EEF2K: variants seen among roughly 807,000 people sequenced by gnomAD.
EEF2K encodes eukaryotic elongation factor 2 kinase, also known as alternative protein EEF2K.
A neutral mutation model predicts 93.8 loss-of-function variants in EEF2K; 70 were observed. That is an observed-to-expected ratio of 0.75 (90% CI 0.62 to 0.91). The LOEUF (loss-of-function observed/expected upper bound fraction) is 0.91, where lower values mean the gene tolerates loss of function less well. Ranked by LOEUF, EEF2K falls within the 40% of genes least tolerant of loss-of-function variation. The probability of loss-of-function intolerance (pLI) is 0.00; values close to 1 mark genes in which losing one functional copy is unlikely to be tolerated. For missense variants in EEF2K, 935 were observed against 972.9 expected (o/e 0.96, Z 0.52); for synonymous variants, 376 against 380.8 (o/e 0.99, Z 0.15).
chr16:22,270,482 C>G (rs946333030), intron 15 of EEF2K, among the ~76,000 whole-genome samples: 3 of 151,982 alleles, frequency 2.0e-5, no homozygotes, highest in Admixed American at 1.3e-4. Flanking sequence ...AAATTTTTGA[C>G]CTCAAGTGAT....
Position 22,237,223 on chromosome 16 carries a change from G to A in EEF2K, c.247-7407G>A, listed in dbSNP as rs753223927. Among the ~76,000 whole-genome samples, 6 of 151,726 alleles carry A rather than the reference G, an allele frequency of 4.0e-5. No individual in the cohort carries two copies. In the East Asian group the frequency reaches 5.8e-4, roughly 15 times the overall value. On this transcript the variant is annotated intron_variant, in intron 2 of 17. Transcript: ENST00000263026. ...GCCTCCCAAAGTGCTAGGATTACAG[G>A]CATGAGCCACCACACCCGGCCCATA...
At chr16:22,221,596 G>A (rs1161224064) in intron 1 of EEF2K, among the ~76,000 whole-genome samples, 1 of 152,040 alleles carries the variant, frequency 6.6e-6, no homozygotes, top group Non-Finnish European at 1.5e-5. Context: ...TTCCTGCTTC[G>A]GTAGCCAGAG....
intron 1 of EEF2K, among the ~76,000 whole-genome samples, chr16:22,210,274 G>A (rs887225719): frequency 6.6e-6 from 1 of 152,136 alleles, no homozygotes; most frequent in Admixed American, 6.6e-5. Context: ...TGAAGCTTTC[G>A]AGCTCTAGCA....
intron 3 of EEF2K, among the ~76,000 whole-genome samples, chr16:22,247,771 C>T (rs760746657): frequency 2.0e-5 from 3 of 152,132 alleles, no homozygotes; most frequent in Non-Finnish European, 2.9e-5. Flanking sequence ...ACTGGTTGTC[C>T]ATGACCCTTA....
intron 4 of EEF2K, 120 bp from the exon 5 acceptor site, chr16:22,250,534 A>C: frequency 8.3e-7 from 1 of 1,204,806 alleles, no homozygotes; most frequent in Non-Finnish European, 1.2e-6. Context: ...GGATTTCAGG[A>C]TTGAGATGAG....
intron 17 of EEF2K, among the ~76,000 whole-genome samples, chr16:22,283,246 T>C (rs1220649451): frequency 7.4e-6 from 1 of 135,806 alleles, no homozygotes; most frequent in African/African-American, 2.8e-5. Context: ...GAGGCAGTGG[T>C]GACAGTGAGC....
chr16:22,260,623 G>A (rs549923900), intron 11 of EEF2K, 94 bp downstream of exon 11: 4 of 1,522,358 alleles, frequency 2.6e-6, no homozygotes, highest in African/African-American at 1.4e-5. Context: ...TCGGAGGTGG[G>A]CAGCCTAGCC....
intron 4 of EEF2K, among the ~76,000 whole-genome samples, chr16:22,250,376 A>T (rs2873167): frequency 0.35 from 53,726 of 151,964 alleles, 10,508 homozygotes; most frequent in East Asian, 0.85. Context: ...GTCCTCTGAG[A>T]TGCACTGTCC....
chr16:22,283,962 A>T lies in EEF2K; in HGVS notation c.2144A>T (p.Lys715Met). ...KGRLANQYYQKAEEAWAQMEE is the reference protein window; with the variant it reads ...KGRLANQYYQMAEEAWAQMEE ...CGACTGGCCAACCAGTACTACCAAA[A>T]GGCTGAAGAGGCCTGGGCCCAGATG... The change falls in exon 18 of 18, where the codon AAG becomes ATG. Residue 715 changes from lysine to methionine, a missense_variant. Coordinates refer to ENST00000263026, the MANE Select transcript of EEF2K (RefSeq NM_013302.5). 1 of 1,589,868 alleles carries T rather than the reference A, an allele frequency of 6.3e-7. No homozygotes were observed. Among genetic ancestry groups the T allele is most frequent in the Non-Finnish European group, 8.6e-7 (1 of 1,168,008 alleles).
rs147243386 is a variant in EEF2K, at chr16:22,252,809, C to G, written c.618+1487C>G. Among the ~76,000 whole-genome samples, 23 of 152,250 alleles carry G rather than the reference C, an allele frequency of 1.5e-4. No individual in the cohort carries two copies. In the East Asian group the frequency reaches 4.4e-3, roughly 29 times the overall value. On this transcript the variant is annotated intron_variant, in intron 6 of 17. Transcript: ENST00000263026. ...GGCAGAAGGCAAAAGGCACATCTTA[C>G]CTGGTGGCAGACAAGAGAGATTGAG...
chr16:22,217,761 G>A (rs1183569579), intron 1 of EEF2K, among the ~76,000 whole-genome samples: 1 of 152,114 alleles, frequency 6.6e-6, no homozygotes, highest in Non-Finnish European at 1.5e-5. Context: ...CTGGTTTGGG[G>A]ATTTTCATAT....
intron 16 of EEF2K, among the ~76,000 whole-genome samples, chr16:22,279,977 C>A (rs1055268961): frequency 6.6e-6 from 1 of 152,120 alleles, no homozygotes; most frequent in South Asian, 2.1e-4. Context: ...GCCTGGGCAA[C>A]AGAGCAAGAC....
chr16:22,254,102 ATAGTAG>A (rs752817538), intron 6 of EEF2K, among the ~76,000 whole-genome samples: 118 of 151,212 alleles, frequency 7.8e-4, no homozygotes, highest in Admixed American at 1.6e-3. Context: ...CCATCCCCAA[ATAGTAG>A]TAGTAGTAGT....
At chr16:22,264,962 T>A (rs2047503237) in intron 13 of EEF2K, 82 bp downstream of exon 13, 1 of 1,515,534 alleles carries the variant, frequency 6.6e-7, no homozygotes, top group Non-Finnish European at 9.1e-7. Context: ...GTCTCATATC[T>A]CTGCTGCCTG....
intron 2 of EEF2K, among the ~76,000 whole-genome samples, chr16:22,238,299 C>CG (rs958788409): frequency 3.0e-4 from 46 of 152,054 alleles, no homozygotes; most frequent in African/African-American, 9.9e-4. Flanking sequence ...ACTCCCTGCC[C>CG]GGGGGGAATA....
chr16:22,224,064 G>A (rs768480101), intron 1 of EEF2K, among the ~76,000 whole-genome samples: 14 of 151,962 alleles, frequency 9.2e-5, no homozygotes, highest in Non-Finnish European at 1.5e-4. Flanking sequence ...AAAATTAGCC[G>A]CGCGTGGTAG....
At position 22,280,299 on chromosome 16, in the gene EEF2K, G is replaced by A. The variant is rs189363550; in HGVS notation, c.1991G>A (p.Arg664Gln). ...TACGACGGAATGCAGGACGAGCCCC[G>A]GTACATGATGCTGGCCAGGGAGGCC... ...GEYDGMQDEP[R>Q]YMMLAREAEM... Residue 664 changes from arginine (R) to glutamine (Q), a missense_variant, in exon 17 of 18, where the codon CGG (arginine) becomes CAG (glutamine). Coordinates refer to ENST00000263026, the MANE Select transcript of EEF2K (RefSeq NM_013302.5). 7.1e-5 allele frequency: 115 copies of A among 1,608,860 alleles called. No homozygotes were observed. The highest frequency in any genetic ancestry group is 3.3e-4 in the Middle Eastern group (2 of 6,048).
intron 4 of EEF2K, among the ~76,000 whole-genome samples, chr16:22,249,300 GAA>G (rs966573894): frequency 7.9e-6 from 1 of 126,914 alleles, no homozygotes. Flanking sequence ...GGCTTTTGAA[GAA>G]AAAAAAAAAA....
At chr16:22,246,414 C>A (rs2047291700) in intron 3 of EEF2K, among the ~76,000 whole-genome samples, 1 of 149,002 alleles carries the variant, frequency 6.7e-6, no homozygotes, top group Non-Finnish European at 1.5e-5. Flanking sequence ...ACTCAGGAGG[C>A]TGAGGCAGGA....
Sources: gnomAD v4.1 joint callset for allele counts (sites outside exome capture counted in the v4.1 genomes callset) on GRCh38, gnomAD v4.1.1 for gene constraint, MANE v1.5 for transcripts, NCBI Gene and HGNC (gene_info 2026-07-23, HGNC 2026-07-21) for gene names.